MUC13: variants seen among roughly 807,000 people sequenced by gnomAD.
MUC13 encodes mucin-13.
Under a neutral mutation model 48.3 loss-of-function variants are expected in MUC13, and 32 were observed. The ratio of observed to expected loss-of-function variants is 0.66; its 90% CI spans 0.50 to 0.89. The LOEUF is 0.89. MUC13 is among the 40% of genes least tolerant of loss of function. The pLI is 0.00. For missense variants in MUC13, 571 were observed against 622.8 expected (o/e 0.92, Z 0.88); for synonymous variants, 199 against 224.9 (o/e 0.88, Z 1.03).
chr3:124,923,001 G>A (rs528779740), intron 3 of MUC13, among the ~76,000 whole-genome samples: 2 of 151,348 alleles, frequency 1.3e-5, no homozygotes, highest in Admixed American at 6.6e-5. Flanking sequence ...GCATTTGGGG[G>A]CCTTTTGGTA....
At chr3:124,915,700 G>A (rs569764675) in intron 6 of MUC13, among the ~76,000 whole-genome samples, 6 of 152,276 alleles carry the variant, frequency 3.9e-5, no homozygotes, top group East Asian at 1.9e-4. Context: ...AAAATAGTAC[G>A]GGTAATGCTT....
At chr3:124,912,333 A>G (rs1935434063) in intron 8 of MUC13, 192 bp from the exon 9 acceptor site, 1 of 771,842 alleles carries the variant, frequency 1.3e-6, no homozygotes, top group Non-Finnish European at 2.0e-6. Context: ...GGGGTTCTGG[A>G]AGGGTGAGGG....
At chr3:124,908,088 C>A (rs774241015) in intron 11 of MUC13, 59 bp downstream of exon 11, 143 of 1,551,938 alleles carry the variant, frequency 9.2e-5, no homozygotes, top group Non-Finnish European at 1.2e-4. Context: ...GCAACCAGGT[C>A]TCTGCTCTGC....
At chr3:124,921,594 T>C (rs1935594903) in intron 4 of MUC13, among the ~76,000 whole-genome samples, 1 of 152,256 alleles carries the variant, frequency 6.6e-6, no homozygotes, top group South Asian at 2.1e-4. Flanking sequence ...TTTCCTTTCA[T>C]GCTTGCTCAC....
chr3:124,929,168 C>A (rs1278011903), intron 1 of MUC13, among the ~76,000 whole-genome samples: 1 of 142,238 alleles, frequency 7.0e-6, no homozygotes, highest in Non-Finnish European at 1.5e-5. Context: ...TCTTCCCCCA[C>A]TCTTTTATTT....
At chr3:124,930,952 T>C (rs1448551635) in intron 1 of MUC13, among the ~76,000 whole-genome samples, 1 of 152,182 alleles carries the variant, frequency 6.6e-6, no homozygotes, top group Non-Finnish European at 1.5e-5. Context: ...TTTCAGTAAA[T>C]GCTTGTGCGG....
chr3:124,911,301 C>A (rs17309490), intron 9 of MUC13, among the ~76,000 whole-genome samples: 33,751 of 152,210 alleles, frequency 0.22, 3,893 homozygotes, highest in South Asian at 0.27. Flanking sequence ...TATGGCTTCC[C>A]CAAATGCTGC....
intron 9 of MUC13, 68 bp downstream of exon 9, chr3:124,912,036 A>G: frequency 2.5e-6 from 4 of 1,572,572 alleles, no homozygotes; most frequent in Non-Finnish European, 2.6e-6. Context: ...CAGGATGTTG[A>G]ATGGGGTCAC....
At chr3:124,908,522 T>C (rs904891875) in intron 10 of MUC13, among the ~76,000 whole-genome samples, 174 bp from the exon 11 acceptor site, 8 of 152,208 alleles carry the variant, frequency 5.3e-5, no homozygotes, top group Non-Finnish European at 1.0e-4. Context: ...GATTCCCTAA[T>C]TATTAACATT....
At position 124,922,340 on chromosome 3, in the gene MUC13, GAA is replaced by G. The variant is rs757752179; in HGVS notation, c.638-39_638-38del. ...GCAGAATCTTTCTGTACTATTTGAT[GAA>G]AAGAGGGTCATTTCCATTTTGTTTT... On this transcript the variant is annotated intron_variant, in intron 3 of 11. Transcript: ENST00000616727. The G allele has an allele frequency of 1.4e-4, 231 of 1,596,740 alleles. 1 individual carries two copies. The Admixed American group carries it at 4.0e-3, about 28-fold the overall frequency.
intron 2 of MUC13, 57 bp downstream of exon 2, chr3:124,927,475 C>T: frequency 6.5e-7 from 1 of 1,532,376 alleles, no homozygotes. Context: ...ACCCACCTCC[C>T]TCCCTCCACA....
In MUC13 at chr3:124,927,930, G is replaced by A. The variant is rs1935725689; in HGVS notation, c.116C>T (p.Thr39Ile). The A allele has an allele frequency of 2.5e-6, 4 of 1,598,918 alleles. No homozygotes were observed. The highest frequency in any genetic ancestry group is 3.4e-5 in the Admixed American group (2 of 59,168). Residue 39 changes from threonine to isoleucine, a missense_variant, in exon 2 of 12, where the codon ACA becomes ATA. Thr to Ile is a moderately conservative substitution (Grantham distance 89). Coordinates refer to ENST00000616727, the MANE Select transcript of MUC13 (RefSeq NM_033049.4). The part of the protein sequence containing the change: ...TTTETATSGP[T>I]VAAADTTETN... ...TTCAGTGGTATCAGCTGCAGCTACT[G>A]TAGGACCACTAGTCGCAGTTTCTGT...
chr3:124,913,039 A>G (rs1935450457), intron 8 of MUC13, 72 bp downstream of exon 8: 2 of 1,571,762 alleles, frequency 1.3e-6, no homozygotes, highest in East Asian at 4.5e-5. Context: ...ACACCTATAT[A>G]CGTGTTGTAA....
intron 2 of MUC13, among the ~76,000 whole-genome samples, chr3:124,924,778 T>C (rs1486964783): frequency 6.6e-6 from 1 of 152,118 alleles, no homozygotes; most frequent in Non-Finnish European, 1.5e-5. Flanking sequence ...GTTTGAGCTG[T>C]TTTTTCCATA....
chr3:124,915,628 T>G (rs1935499576), intron 6 of MUC13, among the ~76,000 whole-genome samples: 1 of 152,220 alleles, frequency 6.6e-6, no homozygotes, highest in Non-Finnish European at 1.5e-5. Flanking sequence ...GCCACTACCT[T>G]CGTAACACAG....
chr3:124,915,247 C>T (rs1331097466), intron 6 of MUC13, among the ~76,000 whole-genome samples: 1 of 152,218 alleles, frequency 6.6e-6, no homozygotes, highest in Non-Finnish European at 1.5e-5. Context: ...TGACTGCAGT[C>T]ATGACATCAA....
chr3:124,934,181 C>G lies in MUC13; in HGVS notation c.52+480G>C, dbSNP rs547450998. On this transcript the variant is annotated intron_variant, in intron 1 of 11. Transcript: ENST00000616727. ...CACTCCATAGACCACTTCTTCCCCC[C>G]ACCCCTACAAGATGGAGTCTCGCTC... Among the ~76,000 whole-genome samples, 12 of 152,238 alleles carry G rather than the reference C, an allele frequency of 7.9e-5. No homozygotes were observed. The East Asian group carries it at 2.1e-3, about 27-fold the overall frequency.
intron 1 of MUC13, among the ~76,000 whole-genome samples, chr3:124,931,863 T>C (rs1019379869): frequency 3.3e-5 from 5 of 151,878 alleles, no homozygotes; most frequent in African/African-American, 4.8e-5. Flanking sequence ...GCCAATGTAG[T>C]GAAACCCCGT....
intron 3 of MUC13, among the ~76,000 whole-genome samples, chr3:124,922,811 G>T (rs909631452): frequency 6.6e-6 from 1 of 152,022 alleles, no homozygotes; most frequent in African/African-American, 2.4e-5. Flanking sequence ...ATTCTGTGAA[G>T]TACATGTCCC....
Sources: allele counts gnomAD v4.1 joint callset (sites outside exome capture counted in the v4.1 genomes callset), GRCh38; gene constraint gnomAD v4.1.1; transcripts MANE v1.5; gene names NCBI Gene and HGNC (gene_info 2026-07-23, HGNC 2026-07-21).